Variants in UIMC1 observed in about 807,000 individuals in gnomAD.
UIMC1 encodes the protein BRCA1-A complex subunit RAP80.
In UIMC1, 42 loss-of-function variants were observed where a neutral mutation model predicts 84.9. The observed-to-expected ratio is 0.49, with a 90% CI of 0.39 to 0.64. UIMC1 has a LOEUF of 0.64. UIMC1 is among the 30% of genes least tolerant of loss of function. The probability of loss-of-function intolerance (pLI) is 0.00; values close to 1 mark genes in which losing one functional copy is unlikely to be tolerated. For missense variants in UIMC1, 825 were observed against 847.6 expected, an observed-to-expected ratio of 0.97 and a Z score of 0.33; for synonymous variants, 281 against 293.0, an observed-to-expected ratio of 0.96 and a Z score of 0.42.
intron 10 of UIMC1, among the ~76,000 whole-genome samples, chr5:176,940,337 T>C (rs758210998): frequency 4.6e-5 from 7 of 152,206 alleles, no homozygotes; most frequent in Non-Finnish European, 5.9e-5. Flanking sequence ...CAGTAGAAGC[T>C]ATCCTATACT....
chr5:176,919,314 T>C (rs1478610203), intron 10 of UIMC1: 1 of 172,120 alleles, frequency 5.8e-6, no homozygotes, highest in East Asian at 1.9e-4. Context: ...ATACATATGA[T>C]TTGCAAATAT....
At chr5:176,940,877 G>A (rs1054008864) in intron 10 of UIMC1, among the ~76,000 whole-genome samples, 1 of 152,096 alleles carries the variant, frequency 6.6e-6, no homozygotes, top group African/African-American at 2.4e-5. Flanking sequence ...ACTGAACAAG[G>A]TAATTATTAT....
intron 10 of UIMC1, among the ~76,000 whole-genome samples, chr5:176,925,030 C>CAAAAAAAAAAAAAAAAAAAAAA (rs749987567): frequency 1.9e-5 from 1 of 52,966 alleles, no homozygotes; most frequent in African/African-American, 7.1e-5. Flanking sequence ...GACTCTGCCT[C>CAAAAAAAAAAAAAAAAAAAAAA]AAAAAAAAAA....
chr5:176,980,801 C>T (rs762279932), intron 2 of UIMC1, among the ~76,000 whole-genome samples: 1 of 152,082 alleles, frequency 6.6e-6, no homozygotes, highest in African/African-American at 2.4e-5. Context: ...AATCATAGCT[C>T]ACTGCAGCCT....
intron 6 of UIMC1, among the ~76,000 whole-genome samples, chr5:176,960,610 T>C (rs1343100067): frequency 1.4e-4 from 7 of 49,650 alleles, no homozygotes; most frequent in Admixed American, 9.0e-4. Flanking sequence ...CCTCTCTCCC[T>C]CTCCCCCTCC....
chr5:176,977,349 G>C (rs559880600), intron 2 of UIMC1, among the ~76,000 whole-genome samples: 42 of 151,658 alleles, frequency 2.8e-4, no homozygotes, highest in African/African-American at 9.4e-4. Flanking sequence ...AAGTAGATTT[G>C]AACAACACTA....
At chr5:177,017,054 AAAATG>A (rs1775689284) in intron 1 of UIMC1, among the ~76,000 whole-genome samples, 1 of 148,918 alleles carries the variant, frequency 6.7e-6, no homozygotes, top group African/African-American at 2.6e-5. Context: ...AATGAAATGA[AAAATG>A]AAATGAAATA....
intron 4 of UIMC1, 30 bp downstream of exon 4, chr5:176,970,712 C>T (rs1413907141): frequency 6.2e-7 from 1 of 1,613,786 alleles, no homozygotes; most frequent in South Asian, 1.1e-5. Flanking sequence ...TGATCAATCT[C>T]CACAAACTTT....
intron 10 of UIMC1, among the ~76,000 whole-genome samples, chr5:176,922,607 G>A (rs535705228): frequency 6.6e-6 from 1 of 152,070 alleles, no homozygotes; most frequent in Non-Finnish European, 1.5e-5. Context: ...ACTTCGTCTT[G>A]TTTTTGAACA....
chr5:176,949,356 C>T (rs190719525), intron 9 of UIMC1, among the ~76,000 whole-genome samples: 1 of 152,248 alleles, frequency 6.6e-6, no homozygotes, highest in African/African-American at 2.4e-5. Flanking sequence ...ACGTGTACAC[C>T]ATAAATTCTA....
intron 2 of UIMC1, chr5:176,980,260 C>T (rs955535736): frequency 2.6e-5 from 4 of 152,244 alleles, no homozygotes; most frequent in Non-Finnish European, 4.4e-5. Flanking sequence ...TTCCATCCGT[C>T]TGTCCATCTG....
intron 2 of UIMC1, among the ~76,000 whole-genome samples, chr5:176,979,078 T>A (rs1231403691): frequency 6.6e-6 from 1 of 152,086 alleles, no homozygotes; most frequent in African/African-American, 2.4e-5. Flanking sequence ...ATTATAAAAA[T>A]ATGTGACAGA....
chr5:177,000,508 T>A (rs978329188), intron 1 of UIMC1, among the ~76,000 whole-genome samples: 3 of 148,650 alleles, frequency 2.0e-5, no homozygotes, highest in African/African-American at 7.7e-5. Flanking sequence ...CTTTTTTTTT[T>A]TTTTTTTTTG....
intron 2 of UIMC1, among the ~76,000 whole-genome samples, chr5:176,979,802 T>C (rs1000091660): frequency 6.6e-6 from 1 of 152,152 alleles, no homozygotes; most frequent in Non-Finnish European, 1.5e-5. Context: ...GGAAATACTA[T>C]AATGGTTAAT....
Position 176,993,280 on chromosome 5 carries a change from G to C in UIMC1, c.-8-10657C>G, listed in dbSNP as rs1429554492. 3.3e-5 allele frequency among the ~76,000 whole-genome samples: 5 copies of C among 151,764 alleles called. No individual in the cohort carries two copies. In the East Asian group the frequency reaches 7.7e-4, roughly 23 times the overall value. ...GGCTCACCACAATCTCAACCTCCTAGACTCAAGCAATTCTTCCATCTCAAC... is the reference window on the plus strand; with the variant it reads ...GGCTCACCACAATCTCAACCTCCTACACTCAAGCAATTCTTCCATCTCAAC... On this transcript the variant is annotated intron_variant, in intron 1 of 14. Transcript: ENST00000511320.
At chr5:176,918,510 A>G (rs374856718) in intron 10 of UIMC1, among the ~76,000 whole-genome samples, 1 of 152,214 alleles carries the variant, frequency 6.6e-6, no homozygotes, top group African/African-American at 2.4e-5. Flanking sequence ...AGAAGTAAGC[A>G]AACAATGAAT....
At chr5:176,973,474 C>CAGTG (rs1469604139) in intron 3 of UIMC1, among the ~76,000 whole-genome samples, 1 of 149,886 alleles carries the variant, frequency 6.7e-6, no homozygotes, top group African/African-American at 2.5e-5. Flanking sequence ...GGGCCAGGTA[C>CAGTG]AGTGGCTCAT....
At chr5:176,905,576 C>T (rs972584499) in intron 14 of UIMC1, 84 bp from the exon 15 acceptor site, 9 of 1,228,354 alleles carry the variant, frequency 7.3e-6, no homozygotes, top group Non-Finnish European at 1.0e-5. Flanking sequence ...GGGGATTTTA[C>T]ATATCAGGGG....
At position 176,994,594 on chromosome 5, in the gene UIMC1, C is replaced by G. The variant is rs1474388160; in HGVS notation, c.-8-11971G>C. Among the ~76,000 whole-genome samples the G allele has an allele frequency of 2.0e-5, 3 of 151,586 alleles. No individual in the cohort carries two copies. The East Asian group carries it at 5.8e-4, about 29-fold the overall frequency. On this transcript the variant is annotated intron_variant, in intron 1 of 14. Transcript: ENST00000511320. ...AATCTGGAGACTGGAGAGACCAATG[C>G]GTGGAACAGGAGGATTTTCTTTAGG...
Sources: allele counts gnomAD v4.1 joint callset (sites outside exome capture counted in the v4.1 genomes callset), GRCh38; gene constraint gnomAD v4.1.1; transcripts MANE v1.5; gene names NCBI Gene and HGNC (gene_info 2026-07-23, HGNC 2026-07-21).